The following MKLN1 variants were observed in gnomAD, a reference collection of about 807,000 sequenced individuals.
MKLN1 encodes muskelin.
Under a neutral mutation model 99.0 loss-of-function variants are expected in MKLN1, and 18 were observed. That is an observed-to-expected ratio of 0.18 (90% CI 0.13 to 0.27). MKLN1 has a LOEUF of 0.27. Among genes scored for constraint, MKLN1 ranks in the 10% least tolerant of loss-of-function variants. The pLI is 1.00. For synonymous variants in MKLN1, 288 were observed against 293.2 expected, an observed-to-expected ratio of 0.98 and a Z score of 0.18; for missense variants, 621 against 875.9, an observed-to-expected ratio of 0.71 and a Z score of 3.67.
chr7:131,414,735 CAA>C, intron 8 of MKLN1, 25 bp downstream of exon 8: 1 of 1,530,132 alleles, frequency 6.5e-7, no homozygotes, highest in East Asian at 2.4e-5. Flanking sequence ...CAGTGGAAAG[CAA>C]AATCTTCATT....
At chr7:131,189,033 A>G (rs1563245996) in intron 2 of MKLN1, among the ~76,000 whole-genome samples, 1 of 152,238 alleles carries the variant, frequency 6.6e-6, no homozygotes, top group Non-Finnish European at 1.5e-5. Flanking sequence ...ATACCACTTG[A>G]TGAATTTCAC....
chr7:131,200,439 T>C (rs1218494733), intron 2 of MKLN1, among the ~76,000 whole-genome samples: 1 of 152,234 alleles, frequency 6.6e-6, no homozygotes, highest in Non-Finnish European at 1.5e-5. Flanking sequence ...TCAACAGACA[T>C]TGATACTGAT....
intron 16 of MKLN1, chr7:131,471,164 A>T: frequency 2.4e-6 from 1 of 420,008 alleles, no homozygotes; most frequent in East Asian, 4.7e-5. Flanking sequence ...TCCATTCAGA[A>T]AAGGATTATC....
chr7:131,202,405 A>G (rs1796744221), intron 2 of MKLN1, among the ~76,000 whole-genome samples: 1 of 151,760 alleles, frequency 6.6e-6, no homozygotes, highest in Admixed American at 6.6e-5. Flanking sequence ...TTGAGCCACC[A>G]TGCCCTGCCA....
At chr7:131,436,042 T>C (rs1250443340) in intron 9 of MKLN1, among the ~76,000 whole-genome samples, 1 of 152,186 alleles carries the variant, frequency 6.6e-6, no homozygotes, top group Non-Finnish European at 1.5e-5. Context: ...TGTTACTCCG[T>C]CTTTGTTTTT....
At chr7:131,211,238 A>C (rs1215715261) in intron 3 of MKLN1, among the ~76,000 whole-genome samples, 1 of 152,180 alleles carries the variant, frequency 6.6e-6, no homozygotes, top group Non-Finnish European at 1.5e-5. Flanking sequence ...GCTGCTTTCC[A>C]GAACTAGGTC....
intron 3 of MKLN1, among the ~76,000 whole-genome samples, chr7:131,240,911 C>G (rs1048278252): frequency 2.0e-5 from 3 of 152,172 alleles, no homozygotes; most frequent in Non-Finnish European, 4.4e-5. Context: ...CTGAAAGACT[C>G]TTGTTAAGAC....
intron 3 of MKLN1, among the ~76,000 whole-genome samples, chr7:131,300,246 A>C (rs1798355982): frequency 1.3e-5 from 2 of 151,944 alleles, no homozygotes; most frequent in Non-Finnish European, 1.5e-5. Context: ...GTGCAATAAG[A>C]ATGACAATGA....
intron 12 of MKLN1, among the ~76,000 whole-genome samples, chr7:131,459,791 A>G (rs1419487493): frequency 1.3e-5 from 2 of 152,044 alleles, no homozygotes; most frequent in African/African-American, 4.8e-5. Flanking sequence ...TAAATTAAAC[A>G]TGCCTAGCTT....
At chr7:131,433,061 G>GT (rs1028789337) in intron 9 of MKLN1, among the ~76,000 whole-genome samples, 2 of 152,162 alleles carry the variant, frequency 1.3e-5, no homozygotes, top group African/African-American at 4.8e-5. Context: ...CCCCAGTAAT[G>GT]TTTTTTATAG....
At chr7:131,212,092 A>C (rs1400463895) in intron 3 of MKLN1, among the ~76,000 whole-genome samples, 1 of 152,228 alleles carries the variant, frequency 6.6e-6, no homozygotes, top group African/African-American at 2.4e-5. Context: ...GCTGTTCATC[A>C]CTACAAAGAA....
At chr7:131,391,233 G>A (rs999871310) in intron 4 of MKLN1, among the ~76,000 whole-genome samples, 2 of 151,872 alleles carry the variant, frequency 1.3e-5, no homozygotes, top group Non-Finnish European at 2.9e-5. Context: ...ATTTCATTTA[G>A]GTAAATCGTT....
intron 3 of MKLN1, among the ~76,000 whole-genome samples, chr7:131,289,050 C>A (rs1798176580): frequency 6.6e-6 from 1 of 152,118 alleles, no homozygotes; most frequent in African/African-American, 2.4e-5. Context: ...GTCTTGAACT[C>A]CTGGGCTCAG....
chr7:131,120,849 C>T lies in MKLN1; in HGVS notation c.-419+10642C>T, dbSNP rs140251872. Among the ~76,000 whole-genome samples the T allele has an allele frequency of 2.3e-4, 35 of 152,292 alleles. 1 individual carries two copies. The East Asian group carries it at 6.8e-3, about 29-fold the overall frequency. ...CTCATCTTCCTGTCTTCTTCTAAGC[C>T]CTCCAAAGTGTTCCAACCTCTGCCC... On this transcript the variant is annotated intron_variant, in intron 1 of 7. Coordinates refer to the MKLN1 transcript ENST00000416992.
intron 8 of MKLN1, among the ~76,000 whole-genome samples, chr7:131,425,573 C>A (rs1181103620): frequency 1.3e-5 from 2 of 152,128 alleles, no homozygotes; most frequent in Non-Finnish European, 2.9e-5. Flanking sequence ...AAGTGCTTTG[C>A]GAATTCTCAG....
chr7:131,178,388 C>T (rs112447774), intron 2 of MKLN1, among the ~76,000 whole-genome samples: 3 of 148,328 alleles, frequency 2.0e-5, no homozygotes, highest in African/African-American at 7.5e-5. Context: ...CCACCTGCCT[C>T]GGCCTCCCAA....
chr7:131,344,084 C>A (rs553766479), intron 1 of MKLN1, among the ~76,000 whole-genome samples: 189 of 152,246 alleles, frequency 1.2e-3, no homozygotes, highest in Non-Finnish European at 1.5e-3. Context: ...AACACAGACA[C>A]ATGATTTGTA....
chr7:131,259,113 T>A (rs908435250), intron 3 of MKLN1, among the ~76,000 whole-genome samples: 15 of 152,140 alleles, frequency 9.9e-5, no homozygotes, highest in African/African-American at 2.9e-4. Context: ...TTTGGATTTT[T>A]TAAAAAAATA....
At chr7:131,186,485 G>C (rs1310643030) in intron 2 of MKLN1, among the ~76,000 whole-genome samples, 1 of 152,106 alleles carries the variant, frequency 6.6e-6, no homozygotes, top group Non-Finnish European at 1.5e-5. Context: ...TCTGGGCTGG[G>C]AGATAGTTAG....
Sources: gnomAD v4.1 joint callset for allele counts (sites outside exome capture counted in the v4.1 genomes callset) on GRCh38, gnomAD v4.1.1 for gene constraint, MANE v1.5 for transcripts, NCBI Gene and HGNC (gene_info 2026-07-23, HGNC 2026-07-21) for gene names.